SOD2: variants seen among roughly 807,000 people sequenced by gnomAD.
SOD2 encodes superoxide dismutase 2.
A neutral mutation model predicts 27.0 loss-of-function variants in SOD2; 11 were observed. That is an observed-to-expected ratio of 0.41 (90% CI 0.26 to 0.67). The LOEUF (loss-of-function observed/expected upper bound fraction) is 0.67, where lower values mean the gene tolerates loss of function less well. Among genes scored for constraint, SOD2 ranks in the 30% least tolerant of loss-of-function variants. SOD2 has a pLI of 0.34. For synonymous variants in SOD2, 105 were observed against 103.0 expected, an observed-to-expected ratio of 1.02 and a Z score of -0.12; for missense variants, 250 against 274.5, an observed-to-expected ratio of 0.91 and a Z score of 0.63.
At chr6:159,709,097 C>A (rs1308790031) in intron 1 of SOD2, among the ~76,000 whole-genome samples, 3 of 152,118 alleles carry the variant, frequency 2.0e-5, no homozygotes, top group Non-Finnish European at 4.4e-5. Context: ...CTTCCTTACA[C>A]CTTATACAAA....
intron 1 of SOD2, among the ~76,000 whole-genome samples, chr6:159,706,555 C>G (rs1777630772): frequency 6.6e-6 from 1 of 152,178 alleles, no homozygotes; most frequent in Non-Finnish European, 1.5e-5. Flanking sequence ...ATCAATTCAA[C>G]AAGAAGAGCT....
intron 1 of SOD2, among the ~76,000 whole-genome samples, chr6:159,698,602 A>G (rs1049616132): frequency 4.8e-5 from 7 of 144,954 alleles, no homozygotes; most frequent in Non-Finnish European, 9.1e-5. Flanking sequence ...AAAAAATCCA[A>G]TAAAACATTT....
rs761483534 is a variant in SOD2 at position 159,762,048 on chromosome 6, T to C, written c.-1347A>G. On this transcript the variant is annotated 5_prime_UTR_variant, in exon 1 of 8. Transcript: ENST00000546087. Reference sequence around the variant, plus strand: ...GCTGCGAGGAGGAGCTTTGCCTAGCTTGCAGGCAGCGCAGGGCAGACGGCG... The same window carrying C: ...GCTGCGAGGAGGAGCTTTGCCTAGCCTGCAGGCAGCGCAGGGCAGACGGCG... 4 of 1,608,780 alleles carry C rather than the reference T, an allele frequency of 2.5e-6. No individual in the cohort carries two copies. The African/African-American group carries it at 5.4e-5, about 22-fold the overall frequency.
rs1386117925 is a variant in SOD2 at position 159,681,515 on chromosome 6, G to GT, written c.*977dup. On this transcript the variant is annotated 3_prime_UTR_variant, in exon 5 of 5. Coordinates refer to ENST00000538183, the MANE Select transcript of SOD2 (RefSeq NM_000636.4). ...TAATGTTCCTTTCTGCGGACCCCAAGTTTTTAGACAAAGCTTTGCTTCCTT... is the reference window on the plus strand; with the variant it reads ...TAATGTTCCTTTCTGCGGACCCCAAGTTTTTTAGACAAAGCTTTGCTTCCTT... 6.6e-6 allele frequency: 1 copy of GT among 152,192 alleles called. No homozygotes were observed. Among genetic ancestry groups the GT allele is most frequent in the African/African-American group, 2.4e-5 (1 of 41,438 alleles). The allele number at this position is 152,192 out of a possible 1,614,324, so 9.4% of individuals were successfully genotyped here. A position where few individuals can be genotyped will look rare whatever the true frequency, so the allele number is the denominator to read the frequency against.
intron 1 of SOD2, among the ~76,000 whole-genome samples, chr6:159,721,094 G>C (rs1489527373): frequency 2.0e-5 from 3 of 150,190 alleles, no homozygotes; most frequent in Non-Finnish European, 3.0e-5. Flanking sequence ...TTGAGACGGA[G>C]TCTCGCTCTG....
upstream of SOD2, among the ~76,000 whole-genome samples, chr6:159,694,155 G>C (rs5746084): frequency 1.5e-3 from 229 of 152,298 alleles, 2 homozygotes; most frequent in African/African-American, 5.1e-3. Flanking sequence ...CAACTGTTCA[G>C]GATAACATAA....
intron 1 of SOD2, chr6:159,713,177 T>C (rs1161088453): frequency 4.8e-6 from 6 of 1,259,584 alleles, no homozygotes; most frequent in Non-Finnish European, 6.6e-6. Flanking sequence ...TCCGTATCTA[T>C]GATCAGACAT....
At chr6:159,694,408 T>C (rs1236921544), upstream of SOD2, among the ~76,000 whole-genome samples, 1 of 152,038 alleles carries the variant, frequency 6.6e-6, no homozygotes, top group Non-Finnish European at 1.5e-5. Flanking sequence ...CTCCGAAGGA[T>C]GACTAGGCTT....
chr6:159,711,224 A>G (rs62437325), intron 1 of SOD2, among the ~76,000 whole-genome samples: 17 of 57,880 alleles, frequency 2.9e-4, no homozygotes, highest in African/African-American at 3.4e-4. Flanking sequence ...CACCATAACC[A>G]CCTCCACAAC....
At chr6:159,684,789 T>C in intron 4 of SOD2, 65 bp downstream of exon 4, 1 of 1,291,740 alleles carries the variant, frequency 7.7e-7, no homozygotes, top group Non-Finnish European at 1.1e-6. Flanking sequence ...GTTTTCCTTA[T>C]TTCTAGTTGA....
At chr6:159,707,592 C>G (rs1412546015) in intron 1 of SOD2, among the ~76,000 whole-genome samples, 1 of 152,104 alleles carries the variant, frequency 6.6e-6, no homozygotes, top group Non-Finnish European at 1.5e-5. Flanking sequence ...CTGAATAGAC[C>G]AATAACAGGC....
rs750824041 is a variant in SOD2, at chr6:159,685,219, C to CT, written c.344-187dup. Among the ~76,000 whole-genome samples the CT allele has an allele frequency of 8.1e-3, 600 of 73,878 alleles. 5 individuals carry two copies. Among genetic ancestry groups the CT allele is most frequent in the South Asian group, 0.014 (22 of 1,616 alleles). 48.5% of individuals were successfully genotyped at this position (73,878 alleles called of 152,430 possible). On this transcript the variant is annotated intron_variant, in intron 3 of 4. Coordinates refer to ENST00000538183, the MANE Select transcript of SOD2 (RefSeq NM_000636.4). The stretch of plus-strand genomic sequence containing the variant: ...ACGTTTTTGTTTTTTATAACTTCAA[C>CT]TTTTTTTTTTTTTTTTTTTTTTTTT...
intron 3 of SOD2, among the ~76,000 whole-genome samples, 186 bp from the exon 4 acceptor site, chr6:159,685,219 C>CTTTTT (rs750824041): frequency 2.6e-3 from 194 of 73,808 alleles, no homozygotes; most frequent in Middle Eastern, 0.028. Flanking sequence ...ATAACTTCAA[C>CTTTTT]TTTTTTTTTT....
intron 2 of SOD2, among the ~76,000 whole-genome samples, chr6:159,688,953 T>C (rs1780319809): frequency 6.6e-6 from 1 of 152,158 alleles, no homozygotes; most frequent in Non-Finnish European, 1.5e-5. Flanking sequence ...TACTGCCACC[T>C]CATTGGGACA....
Position 159,677,383 on chromosome 6 carries a change from C to CAGCATGACTTCACCCTAGACAG in SOD2, c.*5088_*5109dup. On this transcript the variant is annotated 3_prime_UTR_variant, in exon 5 of 5. Transcript: ENST00000538183. ...TGTAAAGCCCACAATGAATAGCAGA[C>CAGCATGACTTCACCCTAGACAG]AGCATGACTTCACCCTAGACAGGTC... 2 of 152,286 alleles carry CAGCATGACTTCACCCTAGACAG rather than the reference C, an allele frequency of 1.3e-5. No homozygotes were observed. The highest frequency in any genetic ancestry group is 2.9e-5 in the Non-Finnish European group (2 of 68,024). The allele number at this position is 152,286 out of a possible 1,614,324, so 9.4% of individuals were successfully genotyped here. A position where few individuals can be genotyped will look rare whatever the true frequency, so the allele number is the denominator to read the frequency against.
rs201460713 is a variant in SOD2, at chr6:159,762,073, G to A, written c.-1372C>T. Reference sequence around the variant, plus strand: ...TTGCAGGCAGCGCAGGGCAGACGGCGGCAGGAGAAGCAAGATGAATGCAGG... The same window carrying A: ...TTGCAGGCAGCGCAGGGCAGACGGCAGCAGGAGAAGCAAGATGAATGCAGG... On this transcript the variant is annotated 5_prime_UTR_variant, in exon 1 of 8. Coordinates refer to the SOD2 transcript ENST00000546087. The A allele has an allele frequency of 2.3e-3, 3,630 of 1,612,666 alleles. 100 individuals carry two copies. In the South Asian group the frequency reaches 0.037, roughly 16 times the overall value.
intron 1 of SOD2, chr6:159,739,065 AAAAC>A: frequency 6.3e-7 from 1 of 1,596,188 alleles, no homozygotes; most frequent in South Asian, 1.1e-5. Flanking sequence ...TCTCTGTTCA[AAAAC>A]AAAGTCTTTC....
upstream of SOD2, chr6:159,693,280 G>C: frequency 1.0e-6 from 1 of 966,482 alleles, no homozygotes; most frequent in African/African-American, 1.7e-5. Flanking sequence ...AGAAAGCGCG[G>C]GGAGCAGGGC....
chr6:159,677,804 T>C lies in SOD2; in HGVS notation c.*4689A>G, dbSNP rs1368939234. ...CAGCTATTATGAGAAATATATAAAATACTATTTGTGATCATGTTATTTATA... is the reference window on the plus strand; with the variant it reads ...CAGCTATTATGAGAAATATATAAAACACTATTTGTGATCATGTTATTTATA... On this transcript the variant is annotated 3_prime_UTR_variant, in exon 5 of 5. Transcript: ENST00000538183. 1 of 152,194 alleles carries C rather than the reference T, an allele frequency of 6.6e-6. No homozygotes were observed. The highest frequency in any genetic ancestry group is 1.5e-5 in the Non-Finnish European group (1 of 68,022). 9.4% of individuals were successfully genotyped at this position (152,194 alleles called of 1,614,324 possible). A position where few individuals can be genotyped will look rare whatever the true frequency, so the allele number is the denominator to read the frequency against.
Sources: allele counts gnomAD v4.1 joint callset (sites outside exome capture counted in the v4.1 genomes callset), GRCh38; gene constraint gnomAD v4.1.1; transcripts MANE v1.5; gene names NCBI Gene and HGNC (gene_info 2026-07-23, HGNC 2026-07-21).